Variants in MBP observed in about 807,000 individuals in gnomAD.
MBP encodes Golli-MBP.
In MBP, 16 loss-of-function variants were observed where a neutral mutation model predicts 35.8. That is an observed-to-expected ratio of 0.45 (90% confidence interval 0.30 to 0.68). The LOEUF is 0.68. Among genes scored for constraint, MBP ranks in the 30% least tolerant of loss-of-function variants. The probability of loss-of-function intolerance (pLI) is 0.08; values close to 1 mark genes in which losing one functional copy is unlikely to be tolerated. For missense variants in MBP, 380 were observed against 404.7 expected (o/e 0.94, Z 0.52); for synonymous variants, 143 against 159.6 (o/e 0.90, Z 0.78).
chr18:76,979,690 G>A lies in MBP; in HGVS notation c.*737C>T, dbSNP rs976502726. 2.6e-5 allele frequency: 13 copies of A among 496,842 alleles called. No individual in the cohort carries two copies. Among genetic ancestry groups the A allele is most frequent in the African/African-American group, 2.5e-4 (13 of 51,330 alleles). The allele number at this position is 496,842 out of a possible 1,614,324, so 30.8% of individuals were successfully genotyped here. ...GACATCTCCATCACCAAATCTCCAG[G>A]AAGACCCTGTTTCCTATGTGAGGCC... On this transcript the variant is annotated 3_prime_UTR_variant, in exon 9 of 9. Coordinates refer to ENST00000355994, the MANE Select transcript of MBP (RefSeq NM_001025101.2).
At chr18:76,990,612 G>A (rs1248684779) in intron 4 of MBP, among the ~76,000 whole-genome samples, 1 of 152,156 alleles carries the variant, frequency 6.6e-6, no homozygotes, top group Non-Finnish European at 1.5e-5. Context: ...GCCCATGGAG[G>A]AGGCTTAGTT....
intron 4 of MBP, among the ~76,000 whole-genome samples, chr18:76,991,664 C>T (rs756351747): frequency 3.3e-5 from 5 of 152,170 alleles, no homozygotes; most frequent in African/African-American, 4.8e-5. Context: ...CAGAAATAGC[C>T]TGCATGTAAA....
intron 1 of MBP, chr18:77,113,176 G>T (rs1323370358): frequency 1.3e-5 from 2 of 152,248 alleles, no homozygotes; most frequent in East Asian, 3.9e-4. Flanking sequence ...CCTGACCTTA[G>T]GTGATCCACC....
At chr18:77,063,898 G>A (rs1599169362) in intron 3 of MBP, among the ~76,000 whole-genome samples, 1 of 28,876 alleles carries the variant, frequency 3.5e-5, no homozygotes, top group African/African-American at 2.5e-4. Context: ...CTATACATAT[G>A]TGTGTGTGTG....
chr18:77,051,184 G>A (rs2144695292), intron 3 of MBP, among the ~76,000 whole-genome samples: 1 of 152,258 alleles, frequency 6.6e-6, no homozygotes, highest in East Asian at 1.9e-4. Context: ...ATTATTGTGG[G>A]AAATGATTGC....
chr18:77,043,811 C>T (rs549886721), intron 3 of MBP, among the ~76,000 whole-genome samples: 26 of 152,298 alleles, frequency 1.7e-4, no homozygotes, highest in African/African-American at 6.3e-4. Flanking sequence ...CAGGAGCTGA[C>T]ACATCTCTAT....
intron 7 of MBP, chr18:76,985,675 C>T (rs1170525273): frequency 1.1e-5 from 12 of 1,050,206 alleles, no homozygotes; most frequent in Non-Finnish European, 1.4e-5. Context: ...AGCTCCCCCA[C>T]CTCCCAGTCC....
At chr18:77,043,508 G>C (rs1973096354) in intron 3 of MBP, among the ~76,000 whole-genome samples, 1 of 152,194 alleles carries the variant, frequency 6.6e-6, no homozygotes, top group African/African-American at 2.4e-5. Context: ...TGTACCCTGT[G>C]GGGTAGCTCT....
chr18:76,985,771 T>C, intron 7 of MBP: 2 of 996,288 alleles, frequency 2.0e-6, no homozygotes, highest in Non-Finnish European at 2.4e-6. Flanking sequence ...ATCTACGCAA[T>C]GGGGCTGTGC....
At chr18:77,001,621 C>A (rs148815739) in intron 4 of MBP, among the ~76,000 whole-genome samples, 2 of 152,186 alleles carry the variant, frequency 1.3e-5, no homozygotes, top group African/African-American at 4.8e-5. Context: ...GAGGCCAAGG[C>A]GGGTGGATCA....
At chr18:77,012,040 C>T (rs1473599331) in intron 4 of MBP, among the ~76,000 whole-genome samples, 1 of 152,200 alleles carries the variant, frequency 6.6e-6, no homozygotes. Context: ...GAAATGAATG[C>T]TTTAAAATGC....
At chr18:77,027,610 T>C (rs753074757) in intron 3 of MBP, among the ~76,000 whole-genome samples, 32 of 152,320 alleles carry the variant, frequency 2.1e-4, no homozygotes, top group Non-Finnish European at 4.0e-4. Flanking sequence ...AACTAAAAAC[T>C]TCCCCACAGA....
chr18:77,075,416 T>C (rs1172735381), intron 2 of MBP, among the ~76,000 whole-genome samples: 1 of 152,214 alleles, frequency 6.6e-6, no homozygotes, highest in Non-Finnish European at 1.5e-5. Context: ...TCACACACAT[T>C]GCTGGCCTAG....
intron 7 of MBP, chr18:76,986,735 C>T (rs1483280910): frequency 7.1e-6 from 7 of 985,376 alleles, no homozygotes; most frequent in Non-Finnish European, 8.4e-6. Flanking sequence ...TGGCAGAAAG[C>T]CACTTCCCTG....
chr18:77,107,732 T>C (rs1412831410), intron 1 of MBP, among the ~76,000 whole-genome samples: 1 of 152,226 alleles, frequency 6.6e-6, no homozygotes, highest in Non-Finnish European at 1.5e-5. Flanking sequence ...TTGATCTTAA[T>C]CATGATTTAG....
intron 2 of MBP, among the ~76,000 whole-genome samples, chr18:77,092,271 C>T (rs987760245): frequency 6.6e-6 from 1 of 152,246 alleles, no homozygotes. Context: ...AAGCAGCTCC[C>T]CGTCGGGCTG....
chr18:76,998,016 G>T (rs1017198010), intron 4 of MBP, among the ~76,000 whole-genome samples: 5 of 152,154 alleles, frequency 3.3e-5, no homozygotes, highest in African/African-American at 1.2e-4. Flanking sequence ...TTTTTATTGT[G>T]GTGAAACACA....
intron 2 of MBP, among the ~76,000 whole-genome samples, chr18:77,078,471 A>G (rs1487894761): frequency 6.6e-6 from 1 of 152,212 alleles, no homozygotes; most frequent in Admixed American, 6.5e-5. Context: ...AGGGAGTAGA[A>G]AGAAGGTTCA....
intron 4 of MBP, among the ~76,000 whole-genome samples, chr18:77,002,555 C>G (rs903545768): frequency 7.0e-6 from 1 of 142,178 alleles, no homozygotes; most frequent in African/African-American, 2.5e-5. Flanking sequence ...GAAAGCAAGG[C>G]GTCTTGGTTT....
Sources: gnomAD v4.1 joint callset for allele counts (sites outside exome capture counted in the v4.1 genomes callset) on GRCh38, gnomAD v4.1.1 for gene constraint, MANE v1.5 for transcripts, NCBI Gene and HGNC (gene_info 2026-07-23, HGNC 2026-07-21) for gene names.